The following FAM32A variants were observed in gnomAD, a reference collection of about 807,000 sequenced individuals.
FAM32A encodes family with sequence similarity 32 member A.
FAM32A carries 9 observed loss-of-function variants against 15.8 expected under a neutral mutation model. The ratio of observed to expected loss-of-function variants is 0.57; its 90% confidence interval spans 0.34 to 1.00. FAM32A has a LOEUF of 1.00. Among genes scored for constraint, FAM32A ranks in the 50% least tolerant of loss-of-function variants. The pLI, the probability that FAM32A is intolerant of heterozygous loss-of-function variation, is 0.02. For synonymous variants in FAM32A, 64 were observed against 54.9 expected (o/e 1.16, Z -0.73); for missense variants, 113 against 138.3 (o/e 0.82, Z 0.92).
chr19:16,186,515 G>T (rs149665264), intron 2 of FAM32A: 2 of 152,164 alleles, frequency 1.3e-5, no homozygotes, highest in Non-Finnish European at 2.9e-5. Context: ...TGATCCGCCC[G>T]CCTCAGCTTC....
rs886559375 is a variant in FAM32A, at chr19:16,185,747, G to A, written c.198G>A (p.Glu66=). ...DKRTPAQAAF[E]KMQEKRQMER... ...GGACCCCGGCCCAGGCGGCCTTCGA[G>A]AAAATGCAGGAGAAGCGGGTGAGCA... Residue 66 remains glutamate, a synonymous_variant, in exon 2 of 4, where the codon GAG becomes GAA. Coordinates refer to ENST00000263384, the MANE Select transcript of FAM32A (RefSeq NM_014077.4). The A allele has an allele frequency of 3.2e-6, 5 of 1,551,984 alleles. No homozygotes were observed. The East Asian group carries it at 7.3e-5, about 23-fold the overall frequency.
intron 2 of FAM32A, among the ~76,000 whole-genome samples, chr19:16,189,690 T>TTTTTTTTTTTTTTTTTTTTTTG (rs2091398624): frequency 7.2e-6 from 1 of 138,984 alleles, no homozygotes; most frequent in Non-Finnish European, 1.6e-5. Context: ...TTTTTTTTTT[T>TTTTTTTTTTTTTTTTTTTTTTG]TTTTGACAGG....
At chr19:16,185,805 C>T in intron 2 of FAM32A, 40 bp downstream of exon 2, 1 of 1,539,040 alleles carries the variant, frequency 6.5e-7, no homozygotes, top group Non-Finnish European at 8.8e-7. Context: ...CGGGAACACC[C>T]GGCGCCGGGA....
chr19:16,185,609 C>T lies in FAM32A; in HGVS notation c.75-15C>T. Reference sequence around the variant, plus strand: ...CTGATCCTCCGACCCGCCGCCTCCTCATGTCTTTTTCCAGGAAGAAGAAAA... The same window carrying T: ...CTGATCCTCCGACCCGCCGCCTCCTTATGTCTTTTTCCAGGAAGAAGAAAA... On this transcript the variant is annotated splice_polypyrimidine_tract_variant and intron_variant, in intron 1 of 3. Coordinates refer to ENST00000263384, the MANE Select transcript of FAM32A (RefSeq NM_014077.4). 2 of 1,598,078 alleles carry T rather than the reference C, an allele frequency of 1.3e-6. 1 individual carries two copies. The highest frequency in any genetic ancestry group is 3.3e-4 in the Middle Eastern group (2 of 6,042).
At chr19:16,186,150 T>A (rs891307131) in intron 2 of FAM32A, 1 of 223,294 alleles carries the variant, frequency 4.5e-6, no homozygotes, top group African/African-American at 2.3e-5. Context: ...CTAAGAGGGT[T>A]GGGAACTTGA....
At chr19:16,190,602 T>A (rs1274730598) in intron 3 of FAM32A, 29 bp downstream of exon 3, 1 of 1,588,818 alleles carries the variant, frequency 6.3e-7, no homozygotes, top group Non-Finnish European at 8.6e-7. Flanking sequence ...TGGGGGAGAC[T>A]GAGCCATTCA....
At chr19:16,187,005 GACACTGGGGAA>G (rs1445933553) in intron 2 of FAM32A, among the ~76,000 whole-genome samples, 3 of 152,158 alleles carry the variant, frequency 2.0e-5, no homozygotes, top group Non-Finnish European at 4.4e-5. Context: ...TCTGTACGGT[GACACTGGGGAA>G]AATGGACCTT....
intron 3 of FAM32A, 147 bp from the exon 4 acceptor site, chr19:16,190,740 G>GA (rs2091402707): frequency 1.2e-6 from 1 of 848,204 alleles, no homozygotes; most frequent in South Asian, 1.5e-5. Context: ...CAGGGTTCAG[G>GA]AGTCTGTAAG....
chr19:16,185,737 CG>C lies in FAM32A; in HGVS notation c.190del (p.Ala64ProfsTer15). 6.4e-7 allele frequency: 1 copy of C among 1,553,096 alleles called. No individual in the cohort carries two copies. On this transcript the variant is annotated frameshift_variant, in exon 2 of 4. Coordinates refer to ENST00000263384, the MANE Select transcript of FAM32A (RefSeq NM_014077.4). LOFTEE classifies it high-confidence loss of function. The part of the protein sequence containing the change: ...RGLDKRTPAQ[A>X]AFEKMQEKRQ... The stretch of plus-strand genomic sequence containing the variant: ...CTGGACAAGCGGACCCCGGCCCAGG[CG>C]GCCTTCGAGAAAATGCAGGAGAAGC...
At chr19:16,187,658 C>G (rs2091391084) in intron 2 of FAM32A, 1 of 151,326 alleles carries the variant, frequency 6.6e-6, no homozygotes, top group Admixed American at 6.6e-5. Flanking sequence ...ACCACGTTAG[C>G]CAGGCTGTTC....
At position 16,191,370 on chromosome 19, in the gene FAM32A, G is replaced by A. The variant is rs1264441930; in HGVS notation, c.*415G>A. 3.7e-5 allele frequency: 8 copies of A among 216,162 alleles called. No homozygotes were observed. Among genetic ancestry groups the A allele is most frequent in the South Asian group, 2.5e-4 (4 of 16,118 alleles). The allele number at this position is 216,162 out of a possible 1,614,324, so 13.4% of individuals were successfully genotyped here. ...GGTGGCCTGCAGTATGCAGAGCCCC[G>A]CAGGACCCAGCGTGGGCGCCCTTCC... On this transcript the variant is annotated 3_prime_UTR_variant, in exon 4 of 4. Coordinates refer to ENST00000263384, the MANE Select transcript of FAM32A (RefSeq NM_014077.4).
intron 2 of FAM32A, 71 bp from the exon 3 acceptor site, chr19:16,190,449 A>G (rs964449914): frequency 8.0e-6 from 9 of 1,119,298 alleles, no homozygotes; most frequent in Admixed American, 2.0e-5. Context: ...GCCAGGCTCC[A>G]TCTTCCACCC....
At chr19:16,189,964 C>T (rs2091399827) in intron 2 of FAM32A, among the ~76,000 whole-genome samples, 1 of 152,034 alleles carries the variant, frequency 6.6e-6, no homozygotes, top group African/African-American at 2.4e-5. Flanking sequence ...CCACCGCGCC[C>T]AGCCCACACT....
chr19:16,185,934 G>A (rs916245160), intron 2 of FAM32A, among the ~76,000 whole-genome samples, 169 bp downstream of exon 2: 2 of 152,186 alleles, frequency 1.3e-5, no homozygotes, highest in African/African-American at 4.8e-5. Flanking sequence ...CTCTGCCGGG[G>A]GAGCTCCAAG....
At position 16,191,075 on chromosome 19, in the gene FAM32A, C is replaced by T; in HGVS notation, c.*120C>T. The T allele has an allele frequency of 2.6e-6, 2 of 782,056 alleles. No homozygotes were observed. The highest frequency in any genetic ancestry group is 4.4e-6 in the Non-Finnish European group (2 of 451,178). 48.4% of individuals were successfully genotyped at this position (782,056 alleles called of 1,614,324 possible). A position where few individuals can be genotyped will look rare whatever the true frequency, so the allele number is the denominator to read the frequency against. On this transcript the variant is annotated 3_prime_UTR_variant, in exon 4 of 4. Transcript: ENST00000263384. ...ACACACACCCTTGCATCTTCTGCTA[C>T]AGACTGCTTTTCGAAGCTGTGTACC...
Position 16,191,287 on chromosome 19 carries a change from C to T in FAM32A, c.*332C>T. On this transcript the variant is annotated 3_prime_UTR_variant, in exon 4 of 4. Coordinates refer to ENST00000263384, the MANE Select transcript of FAM32A (RefSeq NM_014077.4). ...CGAGTTGCATGTAACGCTCTGAGGC[C>T]AGCCAGCTGTCTTCTCCTGGATGAG... The T allele has an allele frequency of 2.9e-6, 1 of 341,218 alleles. No homozygotes were observed. The highest frequency in any genetic ancestry group is 2.4e-5 in the South Asian group (1 of 41,272). 21.1% of individuals were successfully genotyped at this position (341,218 alleles called of 1,614,324 possible).
intron 2 of FAM32A, among the ~76,000 whole-genome samples, chr19:16,188,541 A>G (rs1276264937): frequency 6.6e-6 from 1 of 152,234 alleles, no homozygotes; most frequent in East Asian, 1.9e-4. Flanking sequence ...AGTTGAGCCC[A>G]GGAGTTCAGG....
intron 2 of FAM32A, chr19:16,186,307 T>C (rs1375878280): frequency 1.3e-5 from 2 of 152,782 alleles, no homozygotes; most frequent in Non-Finnish European, 2.9e-5. Context: ...TGCTGTATTT[T>C]TTAAAAAATT....
At chr19:16,188,271 A>C (rs1046574209) in intron 2 of FAM32A, among the ~76,000 whole-genome samples, 1 of 152,192 alleles carries the variant, frequency 6.6e-6, no homozygotes, top group African/African-American at 2.4e-5. Flanking sequence ...GGTTGGATGT[A>C]AGCTGGGAAA....
Sources: gnomAD v4.1 joint callset for allele counts (sites outside exome capture counted in the v4.1 genomes callset) on GRCh38, gnomAD v4.1.1 for gene constraint, MANE v1.5 for transcripts, NCBI Gene and HGNC (gene_info 2026-07-23, HGNC 2026-07-21) for gene names.